Variants in DOK5 observed in about 807,000 individuals in gnomAD.
The protein encoded by DOK5 is docking protein 5, also known as downstream of tyrosine kinase 5.
In DOK5, 27 loss-of-function variants were observed where a neutral mutation model predicts 43.3. The observed-to-expected ratio is 0.62, with a 90% confidence interval of 0.46 to 0.86. DOK5 has a LOEUF of 0.86. Ranked by LOEUF, DOK5 falls within the 40% of genes least tolerant of loss-of-function variation. The probability of loss-of-function intolerance (pLI) is 0.00; values close to 1 mark genes in which losing one functional copy is unlikely to be tolerated. For missense variants in DOK5, 373 were observed against 392.9 expected (o/e 0.95, Z 0.43); for synonymous variants, 146 against 140.1 (o/e 1.04, Z -0.30).
intron 1 of DOK5, among the ~76,000 whole-genome samples, chr20:54,521,317 G>A (rs569850528): frequency 1.3e-5 from 2 of 152,092 alleles, no homozygotes; most frequent in African/African-American, 4.8e-5. Flanking sequence ...TAGAGATCCC[G>A]CTGGTTAAAG....
chr20:54,531,270 A>G (rs989913312), intron 1 of DOK5, among the ~76,000 whole-genome samples: 3 of 152,218 alleles, frequency 2.0e-5, no homozygotes, highest in Non-Finnish European at 2.9e-5. Flanking sequence ...ATTCTCACTC[A>G]GGTGAATCTT....
At chr20:54,514,586 C>CT (rs199776939) in intron 1 of DOK5, among the ~76,000 whole-genome samples, 7,040 of 100,834 alleles carry the variant, frequency 0.07, 344 homozygotes, top group African/African-American at 0.13. Context: ...AAGTTTTACT[C>CT]TTTTTTTTTT....
chr20:54,643,479 C>A lies in DOK5; in HGVS notation c.757C>A (p.Arg253=). The A allele has an allele frequency of 6.2e-7, 1 of 1,613,460 alleles. No homozygotes were observed. Residue 253 remains arginine (R), a synonymous_variant, in exon 7 of 8, where the codon CGG becomes AGG. Coordinates refer to ENST00000262593, the MANE Select transcript of DOK5 (RefSeq NM_018431.5). Reference sequence around the variant, plus strand: ...GCAGCTCCAGATGAAGATGAGTGAGCGGGCCGCCTCGCTGAGCACCATGGT... The same window carrying A: ...GCAGCTCCAGATGAAGATGAGTGAGAGGGCCGCCTCGCTGAGCACCATGGT... ...NSMLQMKMSE[R]AASLSTMVPL...
intron 6 of DOK5, among the ~76,000 whole-genome samples, chr20:54,635,981 T>C (rs1453342732): frequency 6.6e-6 from 1 of 152,230 alleles, no homozygotes; most frequent in Non-Finnish European, 1.5e-5. Context: ...ATCAAGGTGC[T>C]GGCATCTTGG....
chr20:54,593,027 A>G (rs1046289294), intron 5 of DOK5, among the ~76,000 whole-genome samples: 4 of 152,194 alleles, frequency 2.6e-5, no homozygotes, highest in Admixed American at 2.6e-4. Context: ...CTGAAGTTCT[A>G]AATACCCCAA....
At chr20:54,557,918 T>C (rs1984768041) in intron 2 of DOK5, among the ~76,000 whole-genome samples, 1 of 152,176 alleles carries the variant, frequency 6.6e-6, no homozygotes, top group Non-Finnish European at 1.5e-5. Flanking sequence ...CCGCATAAAA[T>C]ACGGTCTACA....
chr20:54,538,904 T>C (rs1209561427), intron 1 of DOK5, among the ~76,000 whole-genome samples: 1 of 152,212 alleles, frequency 6.6e-6, no homozygotes, highest in Non-Finnish European at 1.5e-5. Context: ...TAGAGAATTA[T>C]GCTAAATGAA....
chr20:54,533,373 A>G (rs937503155), intron 1 of DOK5, among the ~76,000 whole-genome samples: 3 of 152,198 alleles, frequency 2.0e-5, no homozygotes, highest in African/African-American at 7.2e-5. Context: ...GTCCTGTGTC[A>G]TTGCTATATG....
In DOK5 at chr20:54,538,581, C is replaced by T. The variant is rs562925736; in HGVS notation, c.67-16352C>T. On this transcript the variant is annotated intron_variant, in intron 1 of 7. Transcript: ENST00000262593. The stretch of plus-strand genomic sequence containing the variant: ...GGTAAACACAATACGTTTTCCTTCC[C>T]CTCTCAAGTTTTCTAAATTAGGTTT... Among the ~76,000 whole-genome samples, 11 of 152,244 alleles carry T rather than the reference C, an allele frequency of 7.2e-5. No homozygotes were observed. In the South Asian group the frequency reaches 2.3e-3, roughly 32 times the overall value.
At chr20:54,481,197 T>A (rs1049950131) in intron 1 of DOK5, among the ~76,000 whole-genome samples, 12 of 152,024 alleles carry the variant, frequency 7.9e-5, no homozygotes, top group African/African-American at 2.9e-4. Flanking sequence ...TTTGGCGGAG[T>A]CTTGCTCTTT....
chr20:54,551,296 T>C (rs1032760371), intron 1 of DOK5, among the ~76,000 whole-genome samples: 3 of 152,242 alleles, frequency 2.0e-5, no homozygotes, highest in Non-Finnish European at 4.4e-5. Context: ...CTATTCTAGA[T>C]ACCAGTTCTT....
At chr20:54,477,097 A>G (rs1380046836) in intron 1 of DOK5, among the ~76,000 whole-genome samples, 2 of 152,156 alleles carry the variant, frequency 1.3e-5, no homozygotes, top group African/African-American at 4.8e-5. Flanking sequence ...GCCTGAAATA[A>G]GTATAATGTC....
intron 6 of DOK5, among the ~76,000 whole-genome samples, chr20:54,639,628 AAAAAACTATAT>A (rs922369216): frequency 2.6e-5 from 4 of 152,090 alleles, no homozygotes; most frequent in African/African-American, 9.7e-5. Flanking sequence ...TATTGTAAAA[AAAAAACTATAT>A]AAAAATATAT....
In DOK5 at chr20:54,475,922, AAGGGGGGGTC is replaced by A; in HGVS notation, c.-23_-14del. 4 of 1,609,444 alleles carry A rather than the reference AAGGGGGGGTC, an allele frequency of 2.5e-6. No individual in the cohort carries two copies. Among genetic ancestry groups the A allele is most frequent in the Non-Finnish European group, 3.4e-6 (4 of 1,178,906 alleles). Reference sequence around the variant, plus strand: ...CACTTCGGGTGCGCGCTCTTGGGTAAAGGGGGGGTCACCGGCTGTCTGGGATGGCTTCCAA... The same window carrying A: ...CACTTCGGGTGCGCGCTCTTGGGTAAACCGGCTGTCTGGGATGGCTTCCAA... On this transcript the variant is annotated 5_prime_UTR_variant, in exon 1 of 8. Transcript: ENST00000262593. The surrounding 1 kb of genome is among the most constrained non-coding windows in gnomAD (Gnocchi z 4.2).
At chr20:54,598,077 C>T (rs1406079555) in intron 5 of DOK5, among the ~76,000 whole-genome samples, 1 of 152,144 alleles carries the variant, frequency 6.6e-6, no homozygotes, top group African/African-American at 2.4e-5. Context: ...AGTGTAGGCA[C>T]ATACATCTTT....
intron 2 of DOK5, among the ~76,000 whole-genome samples, chr20:54,570,875 A>G (rs1185554503): frequency 1.3e-5 from 2 of 152,250 alleles, no homozygotes; most frequent in East Asian, 3.8e-4. Flanking sequence ...GTAATTTGCA[A>G]TGGTTTTCCA....
chr20:54,596,022 T>C (rs891956369), intron 5 of DOK5, among the ~76,000 whole-genome samples: 3 of 152,238 alleles, frequency 2.0e-5, no homozygotes, highest in Non-Finnish European at 4.4e-5. Flanking sequence ...TATTCTATTA[T>C]GATTACTTTT....
intron 1 of DOK5, among the ~76,000 whole-genome samples, chr20:54,508,485 G>A (rs1982896755): frequency 6.6e-6 from 1 of 151,204 alleles, no homozygotes; most frequent in South Asian, 2.1e-4. Context: ...AAATAAGGAA[G>A]TGGGTAAGGT....
At chr20:54,616,992 T>C (rs6068916) in intron 6 of DOK5, among the ~76,000 whole-genome samples, 1 of 151,700 alleles carries the variant, frequency 6.6e-6, no homozygotes, top group African/African-American at 2.4e-5. Context: ...GGGTTTCACC[T>C]TGTTAGCCAG....
Sources: gnomAD v4.1 joint callset for allele counts (sites outside exome capture counted in the v4.1 genomes callset) on GRCh38, gnomAD v4.1.1 for gene constraint, Gnocchi (gnomAD v3.1) non-coding constraint, MANE v1.5 for transcripts, NCBI Gene and HGNC (gene_info 2026-07-23, HGNC 2026-07-21) for gene names.